The following PTPRN2 variants were observed in gnomAD, a reference collection of about 807,000 sequenced individuals.
The protein encoded by PTPRN2 is receptor-type tyrosine-protein phosphatase N2.
PTPRN2 carries 74 observed loss-of-function variants against 118.8 expected under a neutral mutation model. That is an observed-to-expected ratio of 0.62 (90% CI 0.52 to 0.76). The LOEUF is 0.76. PTPRN2 is among the 30% of genes least tolerant of loss of function. PTPRN2 has a pLI of 0.00. For missense variants in PTPRN2, 1,481 were observed against 1,394.4 expected (o/e 1.06, Z -0.99); for synonymous variants, 641 against 608.0 (o/e 1.05, Z -0.80).
intron 11 of PTPRN2, among the ~76,000 whole-genome samples, chr7:158,016,328 G>T (rs1053494053): frequency 2.5e-4 from 38 of 152,154 alleles, no homozygotes; most frequent in African/African-American, 7.2e-4. Flanking sequence ...CCTGTGCCCC[G>T]CCGGGCCCAC....
intron 1 of PTPRN2, among the ~76,000 whole-genome samples, chr7:158,558,055 A>G (rs1400451131): frequency 6.6e-6 from 1 of 152,042 alleles, no homozygotes. Context: ...TATCATCATT[A>G]CTCACTGCAG....
rs918630729 is a variant in PTPRN2, at chr7:157,590,614, G to A, written c.2496+4624C>T. Among the ~76,000 whole-genome samples, 5 of 152,244 alleles carry A rather than the reference G, an allele frequency of 3.3e-5. No individual in the cohort carries two copies. Among genetic ancestry groups the A allele is most frequent in the African/African-American group, 1.2e-4 (5 of 41,466 alleles). On this transcript the variant is annotated intron_variant, in intron 17 of 22. Transcript: ENST00000389418. The surrounding 1 kb of genome is among the most constrained non-coding windows in gnomAD (Gnocchi z 4.0). ...GTGCACGTTCTGGGCTCTGCTCAGG[G>A]ACGCAGCACGGACAGAGGTGCTGTG...
At chr7:158,253,978 C>T (rs1283940413) in intron 3 of PTPRN2, among the ~76,000 whole-genome samples, 11 of 19,722 alleles carry the variant, frequency 5.6e-4, no homozygotes, top group African/African-American at 2.6e-3. Flanking sequence ...GCCCACGGCA[C>T]GACCCGCCCT....
intron 12 of PTPRN2, among the ~76,000 whole-genome samples, chr7:157,796,597 C>G (rs1472782233): frequency 6.6e-6 from 1 of 152,208 alleles, no homozygotes; most frequent in Non-Finnish European, 1.5e-5. Flanking sequence ...TTCTCCATGG[C>G]TACAAAGAAA....
At chr7:157,744,571 T>C (rs144843403) in intron 12 of PTPRN2, among the ~76,000 whole-genome samples, 1 of 152,354 alleles carries the variant, frequency 6.6e-6, no homozygotes, top group Non-Finnish European at 1.5e-5. Context: ...TATAATATAG[T>C]AGCCATCTAG....
chr7:158,375,566 T>C (rs1237461966), intron 2 of PTPRN2, among the ~76,000 whole-genome samples: 1 of 152,058 alleles, frequency 6.6e-6, no homozygotes, highest in Non-Finnish European at 1.5e-5. Flanking sequence ...TAGAAGAGGG[T>C]AGTTCCCCGG....
rs575654390 is a variant in PTPRN2, at chr7:157,954,086, G to GGT, written c.1724-55351_1724-55350dup. On this transcript the variant is annotated intron_variant, in intron 11 of 22. Transcript: ENST00000389418. ...GTTCCAGAAGCATTCCTAGATCTGTGGTGTGTGTGGTGCACGTGTGCTGTG... is the reference window on the plus strand; with the variant it reads ...GTTCCAGAAGCATTCCTAGATCTGTGGTGTGTGTGTGGTGCACGTGTGCTGTG... Among the ~76,000 whole-genome samples the GGT allele has an allele frequency of 1.2e-4, 19 of 152,024 alleles. 2 individuals carry two copies. The East Asian group carries it at 3.7e-3, about 30-fold the overall frequency.
At chr7:157,955,796 G>C (rs1801147188) in intron 11 of PTPRN2, among the ~76,000 whole-genome samples, 1 of 152,232 alleles carries the variant, frequency 6.6e-6, no homozygotes, top group African/African-American at 2.4e-5. Context: ...CATTAGCCCA[G>C]GGGTGTGGAA....
chr7:157,675,848 G>A (rs1360289722), intron 13 of PTPRN2, among the ~76,000 whole-genome samples: 2 of 152,032 alleles, frequency 1.3e-5, no homozygotes, highest in African/African-American at 4.8e-5. Flanking sequence ...GGAGGGAGGG[G>A]CTGGGCCTCG....
At chr7:157,976,818 G>A (rs1398673044) in intron 11 of PTPRN2, among the ~76,000 whole-genome samples, 1 of 151,846 alleles carries the variant, frequency 6.6e-6, no homozygotes, top group Non-Finnish European at 1.5e-5. Context: ...TTGTCTTGTT[G>A]ATATTAAACT....
chr7:158,277,806 C>G (rs999332969), intron 3 of PTPRN2, among the ~76,000 whole-genome samples: 1 of 152,218 alleles, frequency 6.6e-6, no homozygotes, highest in African/African-American at 2.4e-5. Flanking sequence ...TACAGAGGCT[C>G]CTCCTCCCAC....
In PTPRN2 at chr7:158,230,850, C is replaced by T. The variant is rs139903748; in HGVS notation, c.278-25577G>A. On this transcript the variant is annotated intron_variant, in intron 3 of 22. Transcript: ENST00000389418. ...AATAATAACATTGAATTTAAATGTA[C>T]TCAATTCTCCAATTAAAAGATATAG... Among the ~76,000 whole-genome samples the T allele has an allele frequency of 9.9e-4, 151 of 152,240 alleles. 1 individual carries two copies. The highest frequency in any genetic ancestry group is 3.2e-3 in the African/African-American group (133 of 41,530).
intron 2 of PTPRN2, among the ~76,000 whole-genome samples, chr7:158,388,498 G>A (rs979632726): frequency 1.3e-5 from 2 of 152,220 alleles, no homozygotes; most frequent in African/African-American, 2.4e-5. Flanking sequence ...AGCTCAAGGA[G>A]AGCCAAACTG....
At chr7:158,235,690 G>A (rs922647574) in intron 3 of PTPRN2, among the ~76,000 whole-genome samples, 1 of 152,184 alleles carries the variant, frequency 6.6e-6, no homozygotes, top group Non-Finnish European at 1.5e-5. Context: ...AGGGTGACTA[G>A]AGTTAACAAT....
chr7:157,604,028 A>AGTGGCT lies in PTPRN2; in HGVS notation c.2386_2391dup (p.His797_Ser798dup). 6.2e-7 allele frequency: 1 copy of AGTGGCT among 1,613,908 alleles called. No individual in the cohort carries two copies. Among genetic ancestry groups the AGTGGCT allele is most frequent in the Non-Finnish European group, 8.5e-7 (1 of 1,180,004 alleles). On this transcript the variant is annotated inframe_insertion, in exon 16 of 23. Coordinates refer to ENST00000389418, the MANE Select transcript of PTPRN2 (RefSeq NM_002847.5). ...ATGGGGCTAGCGTTGATGTAGTCTG[A>AGTGGCT]GTGGCTGTGGCTGTTCTCCGCCTTC... is the stretch of plus-strand genomic sequence containing the variant.
At chr7:158,490,610 T>C (rs945728913) in intron 1 of PTPRN2, among the ~76,000 whole-genome samples, 3 of 152,230 alleles carry the variant, frequency 2.0e-5, no homozygotes, top group South Asian at 4.1e-4. Context: ...GTGAGCACCC[T>C]GGACACCAGA....
Position 158,546,070 on chromosome 7 carries a change from G to A in PTPRN2, c.112+41488C>T, listed in dbSNP as rs1217298248. Among the ~76,000 whole-genome samples, 2 of 152,230 alleles carry A rather than the reference G, an allele frequency of 1.3e-5. No individual in the cohort carries two copies. Among genetic ancestry groups the A allele is most frequent in the Admixed American group, 6.5e-5 (1 of 15,284 alleles). The stretch of plus-strand genomic sequence containing the variant: ...AGGTAATTTACCTCCAGCAAGGGCT[G>A]GAGACCAAAAAAACTGGGCCAACGG... On this transcript the variant is annotated intron_variant, in intron 1 of 22. Coordinates refer to ENST00000389418, the MANE Select transcript of PTPRN2 (RefSeq NM_002847.5). This position sits in a 1 kb window ranked among gnomAD's most constrained non-coding sequence, Gnocchi z 5.0.
intron 3 of PTPRN2, among the ~76,000 whole-genome samples, chr7:158,253,336 G>A (rs2150900845): frequency 6.6e-6 from 1 of 152,220 alleles, no homozygotes; most frequent in Non-Finnish European, 1.5e-5. Context: ...CAGCGGGCGG[G>A]GCTCTGCCCA....
chr7:158,089,896 T>G (rs1813935025), intron 10 of PTPRN2, among the ~76,000 whole-genome samples: 1 of 55,310 alleles, frequency 1.8e-5, no homozygotes, highest in African/African-American at 3.9e-5. Flanking sequence ...AGAGGGAGTC[T>G]TCACACAAAC....
Sources: gnomAD v4.1 joint callset for allele counts (sites outside exome capture counted in the v4.1 genomes callset) on GRCh38, gnomAD v4.1.1 for gene constraint, Gnocchi (gnomAD v3.1) non-coding constraint, MANE v1.5 for transcripts, NCBI Gene and HGNC (gene_info 2026-07-23, HGNC 2026-07-21) for gene names.